The following PDE7B variants were observed in gnomAD, a reference collection of about 807,000 sequenced individuals.
PDE7B encodes the protein 3',5'-cyclic-AMP phosphodiesterase 7B.
PDE7B carries 29 observed loss-of-function variants against 56.2 expected under a neutral mutation model. The observed-to-expected ratio is 0.52, with a 90% CI of 0.38 to 0.70. The LOEUF (loss-of-function observed/expected upper bound fraction) is 0.70. PDE7B is among the 30% of genes least tolerant of loss of function. The pLI is 0.00. For missense variants in PDE7B, 490 were observed against 565.0 expected, an observed-to-expected ratio of 0.87 and a Z score of 1.35; for synonymous variants, 197 against 196.9, an observed-to-expected ratio of 1.00 and a Z score of 0.00.
intron 1 of PDE7B, among the ~76,000 whole-genome samples, chr6:135,879,064 G>A (rs1404083312): frequency 6.6e-6 from 1 of 151,482 alleles, no homozygotes; most frequent in Non-Finnish European, 1.5e-5. Context: ...ATCCATTTTT[G>A]ACTTCATGGT....
rs543534020 is a variant in PDE7B at position 135,997,087 on chromosome 6, G to T, written c.82+49563G>T. ...CTGTGACTTTATTCTCGGTTTTTTT[G>T]TTGTTGTTGTTTTATTTTTTATTGA... On this transcript the variant is annotated intron_variant, in intron 2 of 12. Transcript: ENST00000308191. Among the ~76,000 whole-genome samples, 265 of 151,966 alleles carry T rather than the reference G, an allele frequency of 1.7e-3. 1 individual carries two copies. Among genetic ancestry groups the T allele is most frequent in the Admixed American group, 0.015 (225 of 15,260 alleles).
At chr6:135,976,584 C>G (rs1225758147) in intron 2 of PDE7B, among the ~76,000 whole-genome samples, 1 of 152,026 alleles carries the variant, frequency 6.6e-6, no homozygotes, top group African/African-American at 2.4e-5. Flanking sequence ...CTAAATGATT[C>G]CATAAACTAC....
At chr6:136,029,439 A>C (rs1338715451) in intron 2 of PDE7B, among the ~76,000 whole-genome samples, 1 of 152,224 alleles carries the variant, frequency 6.6e-6, no homozygotes, top group Non-Finnish European at 1.5e-5. Context: ...TCAAAGACAG[A>C]TGTATGTTAC....
chr6:136,037,885 GCT>G (rs1776350607), intron 2 of PDE7B: 1 of 984,306 alleles, frequency 1.0e-6, no homozygotes, highest in African/African-American at 1.8e-5. Context: ...AACCTCGATG[GCT>G]TTTTTTTTTC....
At chr6:135,862,660 C>T (rs964269690) in intron 1 of PDE7B, among the ~76,000 whole-genome samples, 3 of 151,712 alleles carry the variant, frequency 2.0e-5, no homozygotes, top group Non-Finnish European at 4.4e-5. Context: ...ATTTTGTGGA[C>T]AAGTTTTTAG....
chr6:136,009,155 C>T (rs1179652165), intron 2 of PDE7B, among the ~76,000 whole-genome samples: 12 of 151,868 alleles, frequency 7.9e-5, no homozygotes, highest in Admixed American at 7.2e-4. Flanking sequence ...AGATATGTGG[C>T]ATTATTTCTG....
chr6:136,040,508 G>C (rs1776395686), intron 2 of PDE7B, among the ~76,000 whole-genome samples: 3 of 152,118 alleles, frequency 2.0e-5, no homozygotes, highest in Admixed American at 1.3e-4. Flanking sequence ...GTCTTCAGCT[G>C]CATCATTTTC....
At chr6:136,103,208 T>A (rs1457433031) in intron 2 of PDE7B, among the ~76,000 whole-genome samples, 2 of 152,158 alleles carry the variant, frequency 1.3e-5, no homozygotes, top group African/African-American at 2.4e-5. Context: ...GCAGGCCCAG[T>A]GTCACTCAAG....
chr6:136,187,573 G>A (rs1779161606), intron 12 of PDE7B, among the ~76,000 whole-genome samples: 2 of 152,060 alleles, frequency 1.3e-5, no homozygotes, highest in South Asian at 2.1e-4. Context: ...ATGCTATCCC[G>A]CCGCATCCTG....
intron 3 of PDE7B, among the ~76,000 whole-genome samples, chr6:136,127,023 C>A (rs1398360412): frequency 6.6e-6 from 1 of 152,066 alleles, no homozygotes; most frequent in Non-Finnish European, 1.5e-5. Context: ...CTACTATGTA[C>A]CCACAAAAAT....
At position 136,194,409 on chromosome 6, in the gene PDE7B, T is replaced by C. The variant is rs1458200408; in HGVS notation, c.*2569T>C. ...AAATATCCAATGGGTAAGCCCATGATGTAGCCACTAGTACAATAAAAATCT... is the reference window on the plus strand; with the variant it reads ...AAATATCCAATGGGTAAGCCCATGACGTAGCCACTAGTACAATAAAAATCT... On this transcript the variant is annotated 3_prime_UTR_variant, in exon 13 of 13. Coordinates refer to ENST00000308191, the MANE Select transcript of PDE7B (RefSeq NM_018945.4). 1 of 152,218 alleles carries C rather than the reference T, an allele frequency of 6.6e-6. No homozygotes were observed. The highest frequency in any genetic ancestry group is 1.5e-5 in the Non-Finnish European group (1 of 68,046). The allele number at this position is 152,218 out of a possible 1,614,324, so 9.4% of individuals were successfully genotyped here.
chr6:136,124,658 G>T (rs1388702657), intron 3 of PDE7B, among the ~76,000 whole-genome samples: 1 of 152,104 alleles, frequency 6.6e-6, no homozygotes, highest in East Asian at 1.9e-4. Flanking sequence ...ACAAGGAAAA[G>T]GACTTTATTT....
At chr6:135,931,521 C>T (rs1028469613) in intron 1 of PDE7B, among the ~76,000 whole-genome samples, 2 of 152,114 alleles carry the variant, frequency 1.3e-5, no homozygotes, top group African/African-American at 4.8e-5. Flanking sequence ...AAGAAAACAA[C>T]TGAATATTAG....
chr6:136,084,870 G>A (rs1041903608), intron 2 of PDE7B, among the ~76,000 whole-genome samples: 1 of 152,000 alleles, frequency 6.6e-6, no homozygotes, highest in East Asian at 1.9e-4. Context: ...TTTGCAGGGG[G>A]TTCATTTCAT....
chr6:135,986,773 A>G (rs1320373304), intron 2 of PDE7B, among the ~76,000 whole-genome samples: 1 of 152,220 alleles, frequency 6.6e-6, no homozygotes, highest in Admixed American at 6.5e-5. Flanking sequence ...TATGATTAGG[A>G]TAAGTCCATT....
At chr6:135,955,147 T>C (rs1774767005) in intron 2 of PDE7B, among the ~76,000 whole-genome samples, 1 of 152,098 alleles carries the variant, frequency 6.6e-6, no homozygotes, top group Admixed American at 6.6e-5. Context: ...ACACATTGTG[T>C]GCCAGAGTAG....
chr6:135,946,674 A>G (rs1774601042), intron 1 of PDE7B, among the ~76,000 whole-genome samples: 1 of 152,026 alleles, frequency 6.6e-6, no homozygotes, highest in South Asian at 2.1e-4. Context: ...TATGTTTTCT[A>G]TGTTTATTGA....
intron 2 of PDE7B, among the ~76,000 whole-genome samples, chr6:135,955,154 G>A (rs931201680): frequency 1.3e-5 from 2 of 152,120 alleles, no homozygotes; most frequent in African/African-American, 4.8e-5. Context: ...GTGTGCCAGA[G>A]TAGGGATGCA....
chr6:135,932,851 T>C (rs1774318293), intron 1 of PDE7B, among the ~76,000 whole-genome samples: 1 of 152,154 alleles, frequency 6.6e-6, no homozygotes, highest in South Asian at 2.1e-4. Flanking sequence ...AAGCTTCCCT[T>C]TGATTGGAGA....
Sources: gnomAD v4.1 joint callset for allele counts (sites outside exome capture counted in the v4.1 genomes callset) on GRCh38, gnomAD v4.1.1 for gene constraint, MANE v1.5 for transcripts, NCBI Gene and HGNC (gene_info 2026-07-23, HGNC 2026-07-21) for gene names.